The following IMMP2L variants were observed in gnomAD, a reference collection of about 807,000 sequenced individuals.
IMMP2L encodes inner mitochondrial membrane peptidase subunit 2.
Under a neutral mutation model 19.3 loss-of-function variants are expected in IMMP2L, and 18 were observed. The observed-to-expected ratio is 0.93, with a 90% CI of 0.64 to 1.38. IMMP2L has a LOEUF of 1.38. Ranked by LOEUF, IMMP2L falls within the 40% of genes most tolerant of loss-of-function variation. The pLI, the probability that IMMP2L is intolerant of heterozygous loss-of-function variation, is 0.00. For missense variants in IMMP2L, 233 were observed against 218.2 expected, an observed-to-expected ratio of 1.07 and a Z score of -0.43; for synonymous variants, 76 against 73.0, an observed-to-expected ratio of 1.04 and a Z score of -0.21.
chr7:111,304,859 CA>C (rs1393640400), intron 3 of IMMP2L, among the ~76,000 whole-genome samples: 1 of 151,854 alleles, frequency 6.6e-6, no homozygotes, highest in Non-Finnish European at 1.5e-5. Context: ...TTTTCCTCAA[CA>C]AACAAAAAGA....
At chr7:110,865,374 A>G (rs2063292523) in intron 5 of IMMP2L, among the ~76,000 whole-genome samples, 1 of 152,036 alleles carries the variant, frequency 6.6e-6, no homozygotes. Context: ...AGCTTTTCCC[A>G]TCTTGCCTAC....
chr7:111,131,360 G>T (rs571827446), intron 3 of IMMP2L, among the ~76,000 whole-genome samples: 1 of 151,810 alleles, frequency 6.6e-6, no homozygotes, highest in Non-Finnish European at 1.5e-5. Flanking sequence ...TTCTGTTGAC[G>T]CATGCATAGA....
At chr7:111,257,607 T>C (rs1472404270) in intron 3 of IMMP2L, among the ~76,000 whole-genome samples, 3 of 152,262 alleles carry the variant, frequency 2.0e-5, no homozygotes, top group African/African-American at 2.4e-5. Context: ...TCCATTATTA[T>C]ACAAGGCAAA....
At chr7:111,152,928 T>C (rs1295263051) in intron 3 of IMMP2L, among the ~76,000 whole-genome samples, 1 of 152,056 alleles carries the variant, frequency 6.6e-6, no homozygotes, top group Admixed American at 6.6e-5. Context: ...TATATATAGA[T>C]GAATGATGAA....
chr7:111,132,995 C>A (rs992228609), intron 3 of IMMP2L, among the ~76,000 whole-genome samples: 2 of 151,964 alleles, frequency 1.3e-5, no homozygotes, highest in African/African-American at 4.8e-5. Flanking sequence ...TATGGCCAAG[C>A]TTAGTTGTTG....
chr7:110,745,826 T>C (rs1175946718), intron 5 of IMMP2L, among the ~76,000 whole-genome samples: 4 of 152,136 alleles, frequency 2.6e-5, no homozygotes, highest in Non-Finnish European at 5.9e-5. Flanking sequence ...ATCGACACTA[T>C]GAAGAAACTG....
chr7:111,192,747 G>C (rs1809030495), intron 3 of IMMP2L, among the ~76,000 whole-genome samples: 1 of 152,058 alleles, frequency 6.6e-6, no homozygotes, highest in South Asian at 2.1e-4. Context: ...TTGCCCAAGA[G>C]AGTGCAAAGT....
chr7:111,294,660 T>C (rs1309162852), intron 3 of IMMP2L, among the ~76,000 whole-genome samples: 2 of 151,884 alleles, frequency 1.3e-5, no homozygotes, highest in Non-Finnish European at 2.9e-5. Context: ...CCAGTGTTGA[T>C]ACCAAAACTG....
chr7:111,092,137 C>T (rs905600042), intron 3 of IMMP2L, among the ~76,000 whole-genome samples: 5 of 152,280 alleles, frequency 3.3e-5, no homozygotes, highest in Admixed American at 2.0e-4. Flanking sequence ...CTACATCTTA[C>T]GGACTGGGGT....
At chr7:111,492,910 C>T (rs1314990851) in intron 2 of IMMP2L, among the ~76,000 whole-genome samples, 1 of 152,088 alleles carries the variant, frequency 6.6e-6, no homozygotes, top group Admixed American at 6.6e-5. Flanking sequence ...AATGCAGGTA[C>T]TTAATAGGTA....
intron 3 of IMMP2L, among the ~76,000 whole-genome samples, chr7:110,998,880 A>G (rs1164049962): frequency 2.0e-5 from 3 of 152,094 alleles, no homozygotes; most frequent in African/African-American, 7.2e-5. Context: ...AATGGGAGGA[A>G]TGTTAACAAA....
chr7:111,306,863 G>C (rs1822934472), intron 3 of IMMP2L, among the ~76,000 whole-genome samples: 1 of 151,708 alleles, frequency 6.6e-6, no homozygotes, highest in Non-Finnish European at 1.5e-5. Context: ...AGGCAGGGAA[G>C]ACTATATTGA....
chr7:111,174,748 A>C (rs1450779333), intron 3 of IMMP2L, among the ~76,000 whole-genome samples: 1 of 151,862 alleles, frequency 6.6e-6, no homozygotes, highest in East Asian at 1.9e-4. Context: ...AGATGCACAA[A>C]CTCAAATTGC....
intron 4 of IMMP2L, among the ~76,000 whole-genome samples, chr7:110,942,497 A>T (rs1816836786): frequency 6.6e-6 from 1 of 151,974 alleles, no homozygotes; most frequent in Non-Finnish European, 1.5e-5. Context: ...CTTTAGAAAC[A>T]GCAGAATGAT....
In IMMP2L at chr7:111,261,993, G is replaced by T. The variant is rs567431655; in HGVS notation, c.239+225245C>A. ...GTTGGAAACAATATACCAGTAGTCT[G>T]TTAGGAGATGACAGTGGAAATTTAA... On this transcript the variant is annotated intron_variant, in intron 3 of 5. Transcript: ENST00000405709. 5.9e-5 allele frequency among the ~76,000 whole-genome samples: 9 copies of T among 152,202 alleles called. No homozygotes were observed. The South Asian group carries it at 1.4e-3, about 25-fold the overall frequency.
At chr7:111,405,475 T>C (rs527652942) in intron 3 of IMMP2L, among the ~76,000 whole-genome samples, 1 of 152,294 alleles carries the variant, frequency 6.6e-6, no homozygotes, top group African/African-American at 2.4e-5. Flanking sequence ...ACATTTTATA[T>C]TGTAATACAC....
chr7:110,885,020 A>G (rs1236140597), intron 5 of IMMP2L, among the ~76,000 whole-genome samples: 1 of 151,908 alleles, frequency 6.6e-6, no homozygotes, highest in Non-Finnish European at 1.5e-5. Flanking sequence ...TGTGAAAGAA[A>G]TTATTTTATT....
chr7:110,952,362 G>T (rs1258004659), intron 4 of IMMP2L, among the ~76,000 whole-genome samples: 1 of 152,030 alleles, frequency 6.6e-6, no homozygotes, highest in African/African-American at 2.4e-5. Flanking sequence ...TAACCTTCAG[G>T]AGTAGTACAT....
At position 110,756,003 on chromosome 7, in the gene IMMP2L, T is replaced by C. The variant is rs576291457; in HGVS notation, c.409-92282A>G. 3.4e-3 allele frequency among the ~76,000 whole-genome samples: 510 copies of C among 152,174 alleles called. 2 individuals carry two copies. The highest frequency in any genetic ancestry group is 5.6e-3 in the Non-Finnish European group (382 of 67,986). ...TTTAACAAACTTTATGCAAAAAAGA[T>C]GTGGTAAGATTTGCATGTAAGATAA... is the stretch of plus-strand genomic sequence containing the variant. On this transcript the variant is annotated intron_variant, in intron 5 of 5. Coordinates refer to ENST00000405709, the MANE Select transcript of IMMP2L (RefSeq NM_032549.4).
Sources: gnomAD v4.1 joint callset for allele counts (sites outside exome capture counted in the v4.1 genomes callset) on GRCh38, gnomAD v4.1.1 for gene constraint, MANE v1.5 for transcripts, NCBI Gene and HGNC (gene_info 2026-07-23, HGNC 2026-07-21) for gene names.